Variants in ADAMTS12 observed in about 807,000 individuals in gnomAD.
The protein encoded by ADAMTS12 is ADAM metallopeptidase with thrombospondin type 1 motif 12.
Under a neutral mutation model 167.8 loss-of-function variants are expected in ADAMTS12, and 118 were observed. The ratio of observed to expected loss-of-function variants is 0.70; its 90% confidence interval spans 0.61 to 0.82. ADAMTS12 has a LOEUF of 0.82. Ranked by LOEUF, ADAMTS12 falls within the 40% of genes least tolerant of loss-of-function variation. The pLI is 0.00. For synonymous variants in ADAMTS12, 704 were observed against 716.9 expected, an observed-to-expected ratio of 0.98 and a Z score of 0.29; for missense variants, 1,916 against 1,998.8, an observed-to-expected ratio of 0.96 and a Z score of 0.79.
intron 9 of ADAMTS12, among the ~76,000 whole-genome samples, chr5:33,645,144 TTTATTATTATTATTATTA>T (rs145012036): frequency 6.0e-4 from 87 of 145,916 alleles, no homozygotes; most frequent in East Asian, 1.6e-3. Flanking sequence ...AAATGCTTTA[TTTATTATTATTATTATTA>T]TTATTATTAT....
intron 2 of ADAMTS12, among the ~76,000 whole-genome samples, chr5:33,821,814 C>G (rs560037861): frequency 6.6e-6 from 1 of 152,264 alleles, no homozygotes; most frequent in Non-Finnish European, 1.5e-5. Context: ...CCAACATCAC[C>G]CTTTCAATCC....
intron 13 of ADAMTS12, among the ~76,000 whole-genome samples, chr5:33,626,691 G>T (rs111064812): frequency 0.039 from 5,837 of 150,804 alleles, 386 homozygotes; most frequent in African/African-American, 0.14. Flanking sequence ...TGGTGGTAGT[G>T]GTAGTGGTGG....
chr5:33,818,286 C>G (rs953005719), intron 2 of ADAMTS12, among the ~76,000 whole-genome samples: 1 of 152,054 alleles, frequency 6.6e-6, no homozygotes, highest in African/African-American at 2.4e-5. Flanking sequence ...CCCCCATCCC[C>G]CTGATGACCA....
chr5:33,584,664 T>C (rs1561146129), intron 18 of ADAMTS12, among the ~76,000 whole-genome samples: 1 of 152,242 alleles, frequency 6.6e-6, no homozygotes. Flanking sequence ...AATTATCTTA[T>C]TCAATTCTTA....
chr5:33,795,017 A>G (rs1746718630), intron 2 of ADAMTS12, among the ~76,000 whole-genome samples: 1 of 152,228 alleles, frequency 6.6e-6, no homozygotes, highest in Non-Finnish European at 1.5e-5. Context: ...AAGACATTTG[A>G]AAAGTTTGTT....
At chr5:33,745,600 G>T (rs1029152317) in intron 3 of ADAMTS12, among the ~76,000 whole-genome samples, 2 of 152,118 alleles carry the variant, frequency 1.3e-5, no homozygotes, top group Admixed American at 1.3e-4. Flanking sequence ...AGCAGATGTT[G>T]TGTTTCCTGG....
Position 33,790,381 on chromosome 5 carries a change from C to T in ADAMTS12, c.490-38833G>A, listed in dbSNP as rs1302071646. Among the ~76,000 whole-genome samples, 9 of 151,962 alleles carry T rather than the reference C, an allele frequency of 5.9e-5. No homozygotes were observed. The East Asian group carries it at 1.4e-3, about 23-fold the overall frequency. ...TATCCTGGCCAATGTGGTGAAACCC[C>T]GTCTCTACTAAAAATACAAAAATTA... On this transcript the variant is annotated intron_variant, in intron 2 of 23. Transcript: ENST00000504830.
chr5:33,795,645 A>C (rs1486612510), intron 2 of ADAMTS12, among the ~76,000 whole-genome samples: 1 of 152,156 alleles, frequency 6.6e-6, no homozygotes, highest in African/African-American at 2.4e-5. Flanking sequence ...CTCTGGCTAT[A>C]CTCCCAATGT....
At chr5:33,677,076 C>G (rs1741940486) in intron 5 of ADAMTS12, among the ~76,000 whole-genome samples, 1 of 152,166 alleles carries the variant, frequency 6.6e-6, no homozygotes, top group Non-Finnish European at 1.5e-5. Context: ...CCAGTTTTGT[C>G]TCTATCTTGT....
intron 5 of ADAMTS12, among the ~76,000 whole-genome samples, chr5:33,677,715 T>C (rs1741971850): frequency 6.6e-6 from 1 of 152,200 alleles, no homozygotes; most frequent in Non-Finnish European, 1.5e-5. Flanking sequence ...CTGGCTCCCA[T>C]CTGAACTCAC....
rs1743757812 is a variant in ADAMTS12 at position 33,525,177 on chromosome 5, C to T, written c.*2011G>A. ...GCCTCATTAGTAAATATCAGATTCT[C>T]CTCCACTCATGTCACTAACAATTTA... On this transcript the variant is annotated 3_prime_UTR_variant, in exon 24 of 24. Transcript: ENST00000504830. The T allele has an allele frequency of 6.6e-6, 1 of 152,240 alleles. No individual in the cohort carries two copies. Among genetic ancestry groups the T allele is most frequent in the Admixed American group, 6.5e-5 (1 of 15,284 alleles). 9.4% of individuals were successfully genotyped at this position (152,240 alleles called of 1,614,324 possible).
chr5:33,537,468 G>T (rs1744473448), intron 22 of ADAMTS12, among the ~76,000 whole-genome samples: 1 of 152,206 alleles, frequency 6.6e-6, no homozygotes, highest in Non-Finnish European at 1.5e-5. Context: ...TAAAATATTG[G>T]CAAGAAACTG....
intron 3 of ADAMTS12, among the ~76,000 whole-genome samples, chr5:33,695,255 C>A (rs192217437): frequency 4.3e-4 from 66 of 152,272 alleles, no homozygotes; most frequent in African/African-American, 1.6e-3. Context: ...GCTGTTTTAT[C>A]CTCACCCTCA....
At chr5:33,644,428 C>G (rs1740585045) in intron 9 of ADAMTS12, among the ~76,000 whole-genome samples, 1 of 152,160 alleles carries the variant, frequency 6.6e-6, no homozygotes, top group African/African-American at 2.4e-5. Context: ...GATTGATTTT[C>G]TTTTCAACCA....
At chr5:33,778,335 T>C (rs1745990748) in intron 2 of ADAMTS12, among the ~76,000 whole-genome samples, 1 of 152,088 alleles carries the variant, frequency 6.6e-6, no homozygotes, top group Non-Finnish European at 1.5e-5. Context: ...CAAGGACTAA[T>C]GAAACAAATA....
At chr5:33,601,208 T>G (rs1288718239) in intron 16 of ADAMTS12, among the ~76,000 whole-genome samples, 1 of 151,780 alleles carries the variant, frequency 6.6e-6, no homozygotes, top group Non-Finnish European at 1.5e-5. Context: ...CTTTTAACAT[T>G]TACTTACTGA....
chr5:33,886,519 T>C (rs1750644257), intron 1 of ADAMTS12, among the ~76,000 whole-genome samples: 1 of 152,144 alleles, frequency 6.6e-6, no homozygotes, highest in African/African-American at 2.4e-5. Context: ...ACTTCATTAG[T>C]AAATAAAGAA....
chr5:33,847,165 A>G (rs1748974718), intron 2 of ADAMTS12, among the ~76,000 whole-genome samples: 1 of 152,232 alleles, frequency 6.6e-6, no homozygotes. Context: ...TGAGAGAAGG[A>G]AAATGTTAAA....
chr5:33,662,056 GAA>G lies in ADAMTS12; in HGVS notation c.916-18_916-17del. ...TCAGTCCTTGCTGGAGAAAGAAGAG[GAA>G]GAGATTAGCATGGGAGAGCTCACTG... On this transcript the variant is annotated splice_polypyrimidine_tract_variant and intron_variant, in intron 5 of 23. Transcript: ENST00000504830. 1.9e-6 allele frequency: 3 copies of G among 1,605,044 alleles called. No homozygotes were observed. Among genetic ancestry groups the G allele is most frequent in the Non-Finnish European group, 2.5e-6 (3 of 1,179,072 alleles).
Sources: gnomAD v4.1 joint callset for allele counts (sites outside exome capture counted in the v4.1 genomes callset) on GRCh38, gnomAD v4.1.1 for gene constraint, MANE v1.5 for transcripts, NCBI Gene and HGNC (gene_info 2026-07-23, HGNC 2026-07-21) for gene names.